The following LPP variants were observed in gnomAD, a reference collection of about 807,000 sequenced individuals.
The protein encoded by LPP is LIM domain containing preferred translocation partner in lipoma.
In LPP, 38 loss-of-function variants were observed where a neutral mutation model predicts 60.4. The observed-to-expected ratio is 0.63, with a 90% confidence interval of 0.49 to 0.83. The LOEUF (loss-of-function observed/expected upper bound fraction) is 0.83, where lower values mean the gene tolerates loss of function less well. Among genes scored for constraint, LPP ranks in the 40% least tolerant of loss-of-function variants. LPP has a pLI of 0.00. For synonymous variants in LPP, 328 were observed against 290.8 expected (o/e 1.13, Z -1.30); for missense variants, 902 against 783.6 (o/e 1.15, Z -1.80).
At chr3:188,867,981 G>T (rs932058852) in intron 10 of LPP, among the ~76,000 whole-genome samples, 2 of 152,174 alleles carry the variant, frequency 1.3e-5, no homozygotes, top group Non-Finnish European at 2.9e-5. Context: ...ACCAAAAGAC[G>T]TGAGGTTGAA....
intron 7 of LPP, among the ~76,000 whole-genome samples, chr3:188,658,854 GT>G (rs1375984892): frequency 2.0e-5 from 3 of 152,130 alleles, no homozygotes; most frequent in African/African-American, 7.2e-5. Context: ...GCTGTTTTAG[GT>G]TGATTATATT....
At chr3:188,287,279 A>G (rs1322245362) in intron 2 of LPP, among the ~76,000 whole-genome samples, 1 of 152,228 alleles carries the variant, frequency 6.6e-6, no homozygotes, top group Admixed American at 6.5e-5. Context: ...GTTCATGGAT[A>G]CTGGGGCTTG....
intron 2 of LPP, among the ~76,000 whole-genome samples, chr3:188,244,591 CT>C (rs1726194576): frequency 6.6e-6 from 1 of 152,192 alleles, no homozygotes; most frequent in Non-Finnish European, 1.5e-5. Context: ...TCCCTAGGGA[CT>C]TTCTCACTGT....
At chr3:188,469,461 C>T (rs1801264327) in intron 4 of LPP, among the ~76,000 whole-genome samples, 1 of 151,944 alleles carries the variant, frequency 6.6e-6, no homozygotes, top group Non-Finnish European at 1.5e-5. Flanking sequence ...GCAAATTGTT[C>T]GAGAACAGTT....
chr3:188,226,291 G>A (rs549049080), intron 2 of LPP, among the ~76,000 whole-genome samples: 1 of 152,194 alleles, frequency 6.6e-6, no homozygotes, highest in Non-Finnish European at 1.5e-5. Context: ...TTATAGGTGT[G>A]AGCCACTGCG....
chr3:188,433,278 G>GAAAAA (rs1350846220), intron 4 of LPP, among the ~76,000 whole-genome samples: 226 of 152,208 alleles, frequency 1.5e-3, no homozygotes, highest in African/African-American at 5.2e-3. Context: ...GAAATCCTTT[G>GAAAAA]TCCCTGTGTG....
At chr3:188,658,685 T>C (rs1853910604) in intron 7 of LPP, among the ~76,000 whole-genome samples, 1 of 152,214 alleles carries the variant, frequency 6.6e-6, no homozygotes, top group Admixed American at 6.5e-5. Flanking sequence ...TATAAATGTT[T>C]GACTGTTTAG....
At chr3:188,828,176 C>T (rs1219557798) in intron 9 of LPP, among the ~76,000 whole-genome samples, 2 of 151,858 alleles carry the variant, frequency 1.3e-5, no homozygotes, top group Non-Finnish European at 2.9e-5. Flanking sequence ...ACACAATAAA[C>T]AAAATAATTG....
At chr3:188,179,490 G>A (rs748963575) in intron 1 of LPP, 10 of 457,702 alleles carry the variant, frequency 2.2e-5, no homozygotes, top group African/African-American at 4.0e-5. Context: ...CCACATCTGC[G>A]ACACGCTTGT....
At chr3:188,315,510 A>C (rs1392134731) in intron 2 of LPP, among the ~76,000 whole-genome samples, 1 of 152,122 alleles carries the variant, frequency 6.6e-6, no homozygotes, top group East Asian at 1.9e-4. Flanking sequence ...CATATAAATA[A>C]GATATAAATT....
intron 3 of LPP, among the ~76,000 whole-genome samples, chr3:188,342,941 T>C (rs970702102): frequency 6.6e-6 from 1 of 152,156 alleles, no homozygotes; most frequent in Admixed American, 6.5e-5. Flanking sequence ...ATTGTTTTTA[T>C]TTTTATTATT....
At chr3:188,196,377 G>A (rs1729552635) in intron 1 of LPP, among the ~76,000 whole-genome samples, 1 of 152,122 alleles carries the variant, frequency 6.6e-6, no homozygotes, top group Non-Finnish European at 1.5e-5. Context: ...GCCCAATCCT[G>A]GAAACTGGGA....
chr3:188,837,861 T>C (rs1448528684), intron 9 of LPP, among the ~76,000 whole-genome samples: 1 of 152,046 alleles, frequency 6.6e-6, no homozygotes, highest in Non-Finnish European at 1.5e-5. Context: ...CTTGCTTTGG[T>C]TTTATAAGAT....
At chr3:188,438,177 C>T (rs1182321179) in intron 4 of LPP, among the ~76,000 whole-genome samples, 2 of 152,028 alleles carry the variant, frequency 1.3e-5, no homozygotes, top group East Asian at 3.9e-4. Context: ...TGGATCATAA[C>T]TGACCAAACA....
chr3:188,736,707 A>G (rs543593744), intron 8 of LPP, among the ~76,000 whole-genome samples: 2 of 152,138 alleles, frequency 1.3e-5, no homozygotes, highest in Non-Finnish European at 2.9e-5. Flanking sequence ...ATTTATCAGT[A>G]ATAGATACAT....
At chr3:188,220,044 A>G in intron 1 of LPP, among the ~76,000 whole-genome samples, 1 of 152,174 alleles carries the variant, frequency 6.6e-6, no homozygotes, top group East Asian at 1.9e-4. Flanking sequence ...GCATATGAGC[A>G]TGGGATATGG....
At chr3:188,455,415 A>G (rs1281096498) in intron 4 of LPP, among the ~76,000 whole-genome samples, 2 of 152,194 alleles carry the variant, frequency 1.3e-5, no homozygotes, top group Admixed American at 6.5e-5. Flanking sequence ...CCGAGGTTTT[A>G]CACATCCCTG....
intron 3 of LPP, among the ~76,000 whole-genome samples, chr3:188,378,629 G>A (rs1775950240): frequency 6.6e-6 from 1 of 152,100 alleles, no homozygotes; most frequent in Non-Finnish European, 1.5e-5. Flanking sequence ...TCTTTGACTA[G>A]GAAAGGGAAT....
chr3:188,517,381 C>A (rs1040524678), intron 5 of LPP, among the ~76,000 whole-genome samples: 1 of 152,180 alleles, frequency 6.6e-6, no homozygotes, highest in African/African-American at 2.4e-5. Context: ...ATCTAACTTA[C>A]AACAAAATGA....
Sources: gnomAD v4.1 joint callset for allele counts (sites outside exome capture counted in the v4.1 genomes callset) on GRCh38, gnomAD v4.1.1 for gene constraint, MANE v1.5 for transcripts, NCBI Gene and HGNC (gene_info 2026-07-23, HGNC 2026-07-21) for gene names.